BCOR: variants seen among roughly 807,000 people sequenced by gnomAD.
BCOR encodes BCL-6 corepressor.
Under a neutral mutation model 86.7 loss-of-function variants are expected in BCOR, and 10 were observed. The ratio of observed to expected loss-of-function variants is 0.12; its 90% CI spans 0.07 to 0.20. The LOEUF (loss-of-function observed/expected upper bound fraction) is 0.20. Among genes scored for constraint, BCOR ranks in the 10% least tolerant of loss-of-function variants. The pLI is 1.00. For missense variants in BCOR, 1,259 were observed against 1,452.1 expected (o/e 0.87, Z 2.16); for synonymous variants, 611 against 609.0 (o/e 1.00, Z -0.05).
chrX:40,113,813 TC>T (rs996871849), intron 1 of BCOR, among the ~76,000 whole-genome samples: 2 of 85,629 alleles, frequency 2.3e-5, no homozygotes, highest in Admixed American at 2.2e-4. Flanking sequence ...ACTTTTTTTT[TC>T]TTTCTTTCTT....
chrX:40,074,131 T>C lies in BCOR; in HGVS notation c.1215A>G (p.Pro405=), dbSNP rs1029613668. Residue 405 remains proline (P), a synonymous_variant, in exon 4 of 15, where the codon CCA becomes CCG. Transcript: ENST00000378444. The stretch of plus-strand genomic sequence containing the variant: ...CTGTCTTCCGGGCATGCCCGGGCAC[T>C]GGCTGGGCACCTTCGCCCCCTTCCG... ...KAPEGGEGAQ[P]VPGHARKTAV... The C allele has an allele frequency of 3.3e-6, 4 of 1,211,274 alleles. No individual in the cohort carries two copies. The highest frequency in any genetic ancestry group is 1.7e-5 in the African/African-American group (1 of 57,665).
chrX:40,147,704 C>G (rs1323971464), intron 1 of BCOR, among the ~76,000 whole-genome samples: 1 of 113,158 alleles, frequency 8.8e-6, no homozygotes, highest in Non-Finnish European at 1.9e-5. Context: ...CAGGGAGGCT[C>G]GGTCGAAGAC....
At chrX:40,161,484 C>CACCGCGCCTAGCCCTGTT (rs1938419574) in intron 1 of BCOR, among the ~76,000 whole-genome samples, 6 of 99,336 alleles carry the variant, frequency 6.0e-5, no homozygotes, top group Middle Eastern at 6.2e-3. Context: ...AGGTGTGAGC[C>CACCGCGCCTAGCCCTGTT]AGAAACCAGG....
intron 1 of BCOR, among the ~76,000 whole-genome samples, chrX:40,106,886 C>G (rs1024311480): frequency 1.8e-5 from 2 of 110,559 alleles, no homozygotes; most frequent in African/African-American, 6.6e-5. Context: ...ACAGAGCCGC[C>G]GGCCTCCCGA....
At chrX:40,129,165 C>T (rs888854639) in intron 1 of BCOR, among the ~76,000 whole-genome samples, 1 of 111,315 alleles carries the variant, frequency 9.0e-6, no homozygotes, top group African/African-American at 3.3e-5. Context: ...CATAGGAGAA[C>T]GGGGATCTCA....
At chrX:40,120,768 T>C (rs781180457) in intron 1 of BCOR, among the ~76,000 whole-genome samples, 8 of 111,709 alleles carry the variant, frequency 7.2e-5, no homozygotes, top group Non-Finnish European at 1.5e-4. Context: ...CGATAAGCAA[T>C]AAAGGTAAGA....
intron 1 of BCOR, among the ~76,000 whole-genome samples, chrX:40,168,702 G>A (rs963320561): frequency 1.2e-4 from 13 of 112,984 alleles, no homozygotes; most frequent in Non-Finnish European, 1.9e-4. Context: ...GGGCCTTCCC[G>A]CACCCCCGGC....
chrX:40,139,632 A>G (rs1937872049), intron 1 of BCOR, among the ~76,000 whole-genome samples: 1 of 98,590 alleles, frequency 1.0e-5, no homozygotes, highest in Non-Finnish European at 2.1e-5. Flanking sequence ...TAACACGGTG[A>G]AACCCTGTCT....
At chrX:40,171,578 T>C (rs1463165615) in intron 1 of BCOR, among the ~76,000 whole-genome samples, 3 of 112,161 alleles carry the variant, frequency 2.7e-5, no homozygotes, top group African/African-American at 9.7e-5. Flanking sequence ...AGATTTGCGC[T>C]AGAGCGGATG....
intron 1 of BCOR, among the ~76,000 whole-genome samples, chrX:40,129,667 G>A (rs777001756): frequency 5.5e-5 from 6 of 109,419 alleles, no homozygotes; most frequent in African/African-American, 6.7e-5. Context: ...GGGGCCTTAG[G>A]GAGGTGGGGG....
At chrX:40,099,065 G>T (rs950707482), upstream of BCOR, among the ~76,000 whole-genome samples, 1 of 113,386 alleles carries the variant, frequency 8.8e-6, no homozygotes, top group Non-Finnish European at 1.9e-5. Flanking sequence ...GCAACTTTTG[G>T]CTTACACCGT....
chrX:40,145,208 T>C (rs1298434219), intron 1 of BCOR, among the ~76,000 whole-genome samples: 1 of 110,964 alleles, frequency 9.0e-6, no homozygotes, highest in African/African-American at 3.3e-5. Context: ...CACCCACACT[T>C]TGGCAGGTCC....
chrX:40,145,286 C>G (rs1938020467), intron 1 of BCOR, among the ~76,000 whole-genome samples: 1 of 111,971 alleles, frequency 8.9e-6, no homozygotes, highest in Non-Finnish European at 1.9e-5. Flanking sequence ...TCCGCGCGAA[C>G]CCGCGGCGCC....
chrX:40,168,917 C>T (rs1240166768), intron 1 of BCOR, among the ~76,000 whole-genome samples: 1 of 112,671 alleles, frequency 8.9e-6, no homozygotes, highest in Non-Finnish European at 1.9e-5. Context: ...CTCCTGGCCT[C>T]CCCCGCCCGC....
chrX:40,106,159 C>G (rs1311529064), intron 1 of BCOR, among the ~76,000 whole-genome samples: 1 of 112,089 alleles, frequency 8.9e-6, no homozygotes, highest in Non-Finnish European at 1.9e-5. Context: ...GGCGGCGGAG[C>G]TGACCTGCAA....
rs756356120 is a variant in BCOR at position 40,072,368 on chromosome X, C to T, written c.2978G>A (p.Arg993Gln). The change falls in exon 4 of 15, where the codon CGG (arginine) becomes CAG (glutamine). Residue 993 changes from arginine (R) to glutamine (Q), a missense_variant. By Grantham distance (43) the Arg-to-Gln change is conservative. Coordinates refer to ENST00000378444, the MANE Select transcript of BCOR (RefSeq NM_001123385.2). ...ELYADSSQLS[R>Q]EQRALQMEGL... ...GCTCACCTGCAATGCCCGTTGCTCCCGGCTGAGCTGACTGGAATCTGCATA... is the reference window on the plus strand; with the variant it reads ...GCTCACCTGCAATGCCCGTTGCTCCTGGCTGAGCTGACTGGAATCTGCATA... The T allele has an allele frequency of 8.3e-7, 1 of 1,209,402 alleles. No homozygotes were observed. The highest frequency in any genetic ancestry group is 2.2e-5 in the Admixed American group (1 of 45,897).
chrX:40,138,743 C>T (rs181449413), intron 1 of BCOR, among the ~76,000 whole-genome samples: 77 of 109,912 alleles, frequency 7.0e-4, no homozygotes, highest in Non-Finnish European at 1.1e-3. Flanking sequence ...TTAGTAGAGA[C>T]GGGGTTTCGC....
intron 3 of BCOR, 141 bp downstream of exon 3, chrX:40,076,313 G>A (rs1935804639): frequency 6.3e-6 from 3 of 478,026 alleles, no homozygotes; most frequent in African/African-American, 4.8e-5. Context: ...TTGTCCTCTC[G>A]CAGAGGCCTC....
At chrX:40,064,191 G>C in intron 7 of BCOR, 145 bp downstream of exon 7, 1 of 924,556 alleles carries the variant, frequency 1.1e-6, no homozygotes, top group Non-Finnish European at 1.5e-6. Flanking sequence ...GGAGAGGTCC[G>C]CTCCACTGCT....
Sources: gnomAD v4.1 joint callset for allele counts (sites outside exome capture counted in the v4.1 genomes callset) on GRCh38, gnomAD v4.1.1 for gene constraint, MANE v1.5 for transcripts, NCBI Gene and HGNC (gene_info 2026-07-23, HGNC 2026-07-21) for gene names.